MYH6: variants seen among roughly 807,000 people sequenced by gnomAD.
The protein encoded by MYH6 is myosin heavy chain 6.
Under a neutral mutation model 223.2 loss-of-function variants are expected in MYH6, and 126 were observed. That is an observed-to-expected ratio of 0.56 (90% CI 0.49 to 0.65). The LOEUF is 0.65. MYH6 is among the 30% of genes least tolerant of loss of function. MYH6 has a pLI of 0.00. For synonymous variants in MYH6, 978 were observed against 1,010.2 expected (o/e 0.97, Z 0.61); for missense variants, 2,040 against 2,536.4 (o/e 0.80, Z 4.20).
Position 23,396,813 on chromosome 14 carries a change from G to A in MYH6, c.2173C>T (p.Arg725Cys), listed in dbSNP as rs748667312. 15 of 1,613,968 alleles carry A rather than the reference G, an allele frequency of 9.3e-6. No individual in the cohort carries two copies. In the South Asian group the frequency reaches 1.3e-4, roughly 14 times the overall value. ...GGGATGGCCACTGGGTTCAGGATGC[G>A]ATACCTGAGGAGGGAAGTGTCCAGA... ...ILYGDFRQRY[R>C]ILNPVAIPEG... The change falls in exon 19 of 39, where the codon CGC becomes TGC. Residue 725 changes from arginine (R) to cysteine (C), a missense_variant. By Grantham distance (180) the Arg-to-Cys change is radical (BLOSUM62 -3). This residue lies in a region of MYH6 where 649 missense variants were observed against 877.3 expected (regional missense o/e 0.74). Transcript: ENST00000405093.
rs1891753858 is a variant in MYH6, at chr14:23,405,410, T to C, written c.346-31A>G. Reference sequence around the variant, plus strand: ...GCAGGAGACAAGGCTGGGCATGAGGTTGGTGGGGAGAGCCTGGGACAGGCA... The same window carrying C: ...GCAGGAGACAAGGCTGGGCATGAGGCTGGTGGGGAGAGCCTGGGACAGGCA... On this transcript the variant is annotated intron_variant, in intron 4 of 38. Transcript: ENST00000405093. The surrounding 1 kb of genome is among the most constrained non-coding windows in gnomAD (Gnocchi z 4.7). 2.5e-6 allele frequency: 4 copies of C among 1,613,638 alleles called. No individual in the cohort carries two copies. The highest frequency in any genetic ancestry group is 3.4e-6 in the Non-Finnish European group (4 of 1,179,812).
At position 23,400,867 on chromosome 14, in the gene MYH6, C is replaced by T. The variant is rs147606900; in HGVS notation, c.1252G>A (p.Val418Met). Reference protein sequence around the residue: ...GNEYVTKGQSVQQVYYSIGAL... With the variant: ...GNEYVTKGQSMQQVYYSIGAL... ...CCGATGGAGTAGTACACCTGCTGCA[C>T]GCTCTGCCCCTTGGTGACATACTCG... The change falls in exon 13 of 39, where the codon GTG (valine) becomes ATG (methionine). Residue 418 changes from valine (V) to methionine (M), a missense_variant. Physicochemically the swap from Val to Met is conservative, Grantham distance 21 (BLOSUM62 1). This residue lies in a region of MYH6 where 649 missense variants were observed against 877.3 expected (regional missense o/e 0.74). Transcript: ENST00000405093. 9.5e-5 allele frequency: 154 copies of T among 1,614,242 alleles called. 1 individual carries two copies. The East Asian group carries it at 1.3e-3, about 13-fold the overall frequency.
chr14:23,400,765 G>T lies in MYH6; in HGVS notation c.1354C>A (p.Gln452Lys). The change falls in exon 13 of 39, where the codon CAG becomes AAG. Residue 452 changes from glutamine (Q) to lysine (K), a missense_variant. Gln to Lys is a moderately conservative substitution (Grantham distance 53, BLOSUM62 1). Coordinates refer to ENST00000405093, the MANE Select transcript of MYH6 (RefSeq NM_002471.4). ...TRINATLETK[Q>K]PRQYFIGVLD... ...ACTCCTATGAAGTACTGGCGTGGCT[G>T]CTTGGTCTCCAGGGTGGCGTTGATG... The T allele has an allele frequency of 6.2e-7, 1 of 1,614,228 alleles. No homozygotes were observed. The highest frequency in any genetic ancestry group is 8.5e-7 in the Non-Finnish European group (1 of 1,180,050).
intron 34 of MYH6, 122 bp downstream of exon 34, chr14:23,385,806 C>G: frequency 7.2e-7 from 1 of 1,390,346 alleles, no homozygotes; most frequent in Admixed American, 1.7e-5. Context: ...TGAGAGTTGG[C>G]CTAAGAGAGG....
rs201600604 is a variant in MYH6, at chr14:23,382,088, G to C, written c.5797-25C>G. The C allele has an allele frequency of 5.7e-4, 917 of 1,604,594 alleles. 1 individual carries two copies. The highest frequency in any genetic ancestry group is 9.9e-4 in the Middle Eastern group (6 of 6,050). ...GCTGCAAAAAGAATAAGAGGTGTGA[G>C]GGGGCAGCTGGCAAGAGGGAGAAGT... On this transcript the variant is annotated intron_variant, in intron 38 of 38. Coordinates refer to ENST00000405093, the MANE Select transcript of MYH6 (RefSeq NM_002471.4).
In MYH6 at chr14:23,396,440, G is replaced by A; in HGVS notation, c.2293-20C>T. The A allele has an allele frequency of 6.2e-7, 1 of 1,612,674 alleles. No individual in the cohort carries two copies. Among genetic ancestry groups the A allele is most frequent in the Non-Finnish European group, 8.5e-7 (1 of 1,179,874 alleles). ...GAACACCTGCAGGCAAGGGGTAGAT[G>A]CAACAGGCCGCAGCCTCAGAGGGGA... On this transcript the variant is annotated intron_variant, in intron 19 of 38. Coordinates refer to ENST00000405093, the MANE Select transcript of MYH6 (RefSeq NM_002471.4).
chr14:23,384,583 C>T lies in MYH6; in HGVS notation c.5424G>A (p.Lys1808=). The T allele has an allele frequency of 1.2e-6, 2 of 1,613,814 alleles. No homozygotes were observed. Among genetic ancestry groups the T allele is most frequent in the Non-Finnish European group, 1.7e-6 (2 of 1,180,044 alleles). Residue 1808 remains lysine, a synonymous_variant, in exon 36 of 39, where the codon AAG becomes AAA. Coordinates refer to ENST00000405093, the MANE Select transcript of MYH6 (RefSeq NM_002471.4). The part of the protein sequence containing the change: ...RLDEAEQIAL[K]GGKKQLQKLE... ...GCTTCTGCAGCTGCTTCTTGCCTCC[C>T]TTGAGGGCGATCTGCTCGGCCTCGT...
intron 31 of MYH6, 38 bp from the exon 32 acceptor site, chr14:23,387,691 T>A (rs757131707): frequency 6.8e-6 from 11 of 1,613,860 alleles, no homozygotes; most frequent in Non-Finnish European, 9.3e-6. Flanking sequence ...AAGCCTATGT[T>A]CCCCCTGCCC....
rs1183656896 is a variant in MYH6, at chr14:23,398,745, TAGG to T, written c.1871_1873del (p.Ser624del). 1.2e-6 allele frequency: 2 copies of T among 1,613,942 alleles called. No individual in the cohort carries two copies. The highest frequency in any genetic ancestry group is 2.7e-5 in the African/African-American group (2 of 74,884). On this transcript the variant is annotated inframe_deletion, in exon 15 of 39. Coordinates refer to ENST00000405093, the MANE Select transcript of MYH6 (RefSeq NM_002471.4). ...CTGCTTACCAGTATCGGCAGTTGCG[TAGG>T]AGGAGAAGAGAGTGGCCATGAGCTT...
chr14:23,383,559 G>A (rs1287735391), intron 36 of MYH6, among the ~76,000 whole-genome samples: 6 of 152,144 alleles, frequency 3.9e-5, no homozygotes, highest in Non-Finnish European at 7.3e-5. Flanking sequence ...TAGAAGTAGG[G>A]GGAGGGGCTC....
In MYH6 at chr14:23,389,448, A is replaced by C. The variant is rs776486154; in HGVS notation, c.3923T>G (p.Leu1308Arg). ...ALISQLTRGK[L>R]SYTQQMEDLK... ...GTCCTCCATTTGCTGGGTATAAGAG[A>C]GCTTCCCCCGGGTCAGCTGCGAGAT... Residue 1308 changes from leucine (L) to arginine (R), a missense_variant, in exon 28 of 39, where the codon CTC becomes CGC. By Grantham distance (102) the Leu-to-Arg change is moderately radical. Around this residue, in one of 4 missense-constraint regions of MYH6, gnomAD observed 1,203 missense variants for 1,400.2 expected, o/e 0.86. Coordinates refer to ENST00000405093, the MANE Select transcript of MYH6 (RefSeq NM_002471.4). 2.0e-5 allele frequency: 32 copies of C among 1,613,708 alleles called. No homozygotes were observed. In the African/African-American group the frequency reaches 3.2e-4, roughly 16 times the overall value.
chr14:23,382,694 C>T, intron 37 of MYH6, 132 bp from the exon 38 acceptor site: 2 of 1,324,438 alleles, frequency 1.5e-6, no homozygotes, highest in Non-Finnish European at 2.2e-6. Context: ...AACAGCCTTC[C>T]CAAGGGTATC....
At position 23,405,792 on chromosome 14, in the gene MYH6, G is replaced by A. The variant is rs1891768360; in HGVS notation, c.202-22C>T. 3.7e-6 allele frequency: 6 copies of A among 1,613,942 alleles called. No homozygotes were observed. Among genetic ancestry groups the A allele is most frequent in the Non-Finnish European group, 5.1e-6 (6 of 1,179,992 alleles). ...CCGTCTGGAGGGGGCGCATAAGCAG[G>A]AGGATGAGTGACCACAATCCCTCCG... On this transcript the variant is annotated intron_variant, in intron 3 of 38. Coordinates refer to ENST00000405093, the MANE Select transcript of MYH6 (RefSeq NM_002471.4). This position sits in a 1 kb window ranked among gnomAD's most constrained non-coding sequence, Gnocchi z 4.7.
Position 23,407,217 on chromosome 14 carries a change from C to T in MYH6, c.7G>A (p.Asp3Asn), listed in dbSNP as rs371667049. The change falls in exon 3 of 39, where the codon GAT becomes AAT. Residue 3 changes from aspartate to asparagine, a missense_variant. By Grantham distance (23) the Asp-to-Asn change is conservative. Around this residue, in one of 4 missense-constraint regions of MYH6, gnomAD observed 184 missense variants for 232.4 expected, o/e 0.79. Transcript: ENST00000405093. The surrounding 1 kb of genome is among the most constrained non-coding windows in gnomAD (Gnocchi z 5.6). ...GCCCCAAAGTCAGCCATCTGGGCATCGGTCATCTTGGTGCTTCCCCTGGGT... is the reference window on the plus strand; with the variant it reads ...GCCCCAAAGTCAGCCATCTGGGCATTGGTCATCTTGGTGCTTCCCCTGGGT... MT[D>N]AQMADFGAAA... is the part of the protein sequence containing the mutation. The T allele has an allele frequency of 3.2e-5, 52 of 1,614,228 alleles. No individual in the cohort carries two copies. In the African/African-American group the frequency reaches 4.0e-4, roughly 12 times the overall value.
In MYH6 at chr14:23,386,059, G is replaced by A. The variant is rs765536879; in HGVS notation, c.5032C>T (p.Arg1678Trp). ...DLKENIAIVE[R>W]RNNLLQAELE... ...TCAGCCTGCAGCAGGTTGTTGCGCC[G>A]CTCCACGATGGCGATGTTCTCCTTC... Residue 1678 changes from arginine (R) to tryptophan (W), a missense_variant, in exon 34 of 39, where the codon CGG (arginine) becomes TGG (tryptophan). Physicochemically the swap from Arg to Trp is moderately radical, Grantham distance 101. This residue lies in a region of MYH6 where 1,203 missense variants were observed against 1,400.2 expected (regional missense o/e 0.86). Coordinates refer to ENST00000405093, the MANE Select transcript of MYH6 (RefSeq NM_002471.4). The A allele has an allele frequency of 1.5e-5, 24 of 1,614,090 alleles. No individual in the cohort carries two copies. The highest frequency in any genetic ancestry group is 2.2e-5 in the South Asian group (2 of 91,094).
intron 10 of MYH6, 80 bp downstream of exon 10, chr14:23,403,268 G>C: frequency 1.7e-6 from 2 of 1,194,086 alleles, no homozygotes; most frequent in East Asian, 4.7e-5. Context: ...TGGGGAGCAG[G>C]AGGGCCCTGC....
At position 23,407,734 on chromosome 14, in the gene MYH6, G is replaced by T; in HGVS notation, c.-46-126C>A. 3.5e-6 allele frequency: 2 copies of T among 568,984 alleles called. No homozygotes were observed. Among genetic ancestry groups the T allele is most frequent in the Non-Finnish European group, 4.6e-6 (2 of 432,838 alleles). The allele number at this position is 568,984 out of a possible 1,614,324, so 35.2% of individuals were successfully genotyped here. On this transcript the variant is annotated intron_variant, in intron 1 of 38. Transcript: ENST00000405093. This position sits in a 1 kb window ranked among gnomAD's most constrained non-coding sequence, Gnocchi z 5.6. Reference sequence around the variant, plus strand: ...GGAGGCAGCCCCAGAGCGCAGACAGGCAGGACAGACCAGGGAGTCAGAAAG... The same window carrying T: ...GGAGGCAGCCCCAGAGCGCAGACAGTCAGGACAGACCAGGGAGTCAGAAAG...
chr14:23,389,990 G>A (rs1891180843), intron 26 of MYH6, 67 bp downstream of exon 26: 1 of 1,612,850 alleles, frequency 6.2e-7, no homozygotes, highest in Non-Finnish European at 8.5e-7. Context: ...GGCAGACAGA[G>A]AGAGAAGGCA....
Position 23,386,494 on chromosome 14 carries a change from G to A in MYH6, c.4780C>T (p.Arg1594Trp), listed in dbSNP as rs545198745. ...GAGGTCTGCAGCGAGTCCACCACCCGCTGGTGGTTGCGCTTGGCCTGTTCC... is the reference window on the plus strand; with the variant it reads ...GAGGTCTGCAGCGAGTCCACCACCCACTGGTGGTTGCGCTTGGCCTGTTCC... ...EMEQAKRNHQ[R>W]VVDSLQTSLD... The change falls in exon 33 of 39, where the codon CGG becomes TGG. Residue 1594 changes from arginine to tryptophan, a missense_variant. By Grantham distance (101) the Arg-to-Trp change is moderately radical (BLOSUM62 -3). This residue lies in a region of MYH6 where 1,203 missense variants were observed against 1,400.2 expected (regional missense o/e 0.86). Coordinates refer to ENST00000405093, the MANE Select transcript of MYH6 (RefSeq NM_002471.4). 19 of 1,614,160 alleles carry A rather than the reference G, an allele frequency of 1.2e-5. No individual in the cohort carries two copies. Among genetic ancestry groups the A allele is most frequent in the Admixed American group, 1.2e-4 (7 of 60,028 alleles).
Sources: allele counts gnomAD v4.1 joint callset (sites outside exome capture counted in the v4.1 genomes callset), GRCh38; gene constraint gnomAD v4.1.1; regional missense constraint gnomAD v4.1.1; non-coding constraint Gnocchi (gnomAD v3.1); transcripts MANE v1.5; gene names NCBI Gene and HGNC (gene_info 2026-07-23, HGNC 2026-07-21).